CALN1: variants seen among roughly 807,000 people sequenced by gnomAD.
The protein encoded by CALN1 is calneuron 1.
CALN1 carries 17 observed loss-of-function variants against 30.6 expected under a neutral mutation model. That is an observed-to-expected ratio of 0.56 (90% CI 0.38 to 0.83). The LOEUF (loss-of-function observed/expected upper bound fraction) is 0.83, where lower values mean the gene tolerates loss of function less well. Ranked by LOEUF, CALN1 falls within the 40% of genes least tolerant of loss-of-function variation. The probability of loss-of-function intolerance (pLI) is 0.00; values close to 1 mark genes in which losing one functional copy is unlikely to be tolerated. For synonymous variants in CALN1, 156 were observed against 131.4 expected (o/e 1.19, Z -1.28); for missense variants, 291 against 354.9 (o/e 0.82, Z 1.45).
rs1041235266 is a variant in CALN1, at chr7:71,787,191, G to C, written c.*584C>G. 3.6e-5 allele frequency: 1 copy of C among 27,832 alleles called. No homozygotes were observed. The highest frequency in any genetic ancestry group is 1.7e-4 in the African/African-American group (1 of 5,906). The allele number at this position is 27,832 out of a possible 1,614,324, so 1.7% of individuals were successfully genotyped here. A position where few individuals can be genotyped will look rare whatever the true frequency, so the allele number is the denominator to read the frequency against. On this transcript the variant is annotated 3_prime_UTR_variant, in exon 7 of 7. Transcript: ENST00000395275. ...AAGAACGGAAGCGGTGAGGGGTGCA[G>C]CTGAAGACCGCCAGGGCTGCACCCC...
At chr7:72,288,706 T>C (rs998485633) in intron 2 of CALN1, among the ~76,000 whole-genome samples, 6 of 152,248 alleles carry the variant, frequency 3.9e-5, no homozygotes, top group African/African-American at 4.8e-5. Context: ...ATATGGCTTT[T>C]ACTCATTCAA....
At chr7:72,425,800 C>T (rs944789074) in intron 1 of CALN1, among the ~76,000 whole-genome samples, 1 of 152,198 alleles carries the variant, frequency 6.6e-6, no homozygotes, top group Admixed American at 6.5e-5. Context: ...CTTAAGATTG[C>T]AGATTTGAAT....
chr7:72,110,129 T>G (rs996675462), intron 3 of CALN1, among the ~76,000 whole-genome samples: 1 of 152,148 alleles, frequency 6.6e-6, no homozygotes, highest in Non-Finnish European at 1.5e-5. Flanking sequence ...CTGGACAGGG[T>G]GGGTCCCTTC....
intron 5 of CALN1, among the ~76,000 whole-genome samples, chr7:71,991,050 G>C (rs565630121): frequency 1.0e-4 from 13 of 128,260 alleles, no homozygotes; most frequent in Non-Finnish European, 2.1e-4. Flanking sequence ...AAACAGTGAG[G>C]GGGGGGGTCG....
intron 2 of CALN1, among the ~76,000 whole-genome samples, chr7:72,358,984 T>C (rs1384639247): frequency 6.6e-6 from 1 of 151,360 alleles, no homozygotes; most frequent in Non-Finnish European, 1.5e-5. Context: ...AAAAATTACA[T>C]TGGGTGCTAC....
intron 5 of CALN1, among the ~76,000 whole-genome samples, chr7:71,972,366 T>C (rs1797891235): frequency 6.6e-6 from 1 of 152,216 alleles, no homozygotes; most frequent in African/African-American, 2.4e-5. Context: ...CTTCTGGTTA[T>C]AGAATGGCGG....
intron 4 of CALN1, among the ~76,000 whole-genome samples, chr7:72,070,997 A>C (rs1804353948): frequency 6.6e-6 from 1 of 152,180 alleles, no homozygotes. Context: ...CTGTTTCCCC[A>C]CCTGGACAAC....
At chr7:71,815,321 C>T in intron 5 of CALN1, among the ~76,000 whole-genome samples, 1 of 152,130 alleles carries the variant, frequency 6.6e-6, no homozygotes, top group East Asian at 1.9e-4. Context: ...ATGATATCTC[C>T]TTGCCTGTTG....
At chr7:72,235,550 T>A (rs554488427) in intron 3 of CALN1, among the ~76,000 whole-genome samples, 3 of 152,108 alleles carry the variant, frequency 2.0e-5, no homozygotes, top group South Asian at 4.1e-4. Context: ...TCCCACACAC[T>A]CTGCTGTGCA....
chr7:71,979,866 A>ATT (rs1798299045), intron 5 of CALN1, among the ~76,000 whole-genome samples: 1 of 118,788 alleles, frequency 8.4e-6, no homozygotes, highest in Non-Finnish European at 1.7e-5. Context: ...ACACATCAGG[A>ATT]TTCTTTTTTT....
intron 3 of CALN1, among the ~76,000 whole-genome samples, chr7:72,161,287 C>T (rs2129544840): frequency 6.6e-6 from 1 of 152,286 alleles, no homozygotes; most frequent in East Asian, 1.9e-4. Context: ...TAATCATCTA[C>T]CTGTTGAGCT....
chr7:71,930,659 T>C (rs1445966017), intron 5 of CALN1, among the ~76,000 whole-genome samples: 1 of 152,220 alleles, frequency 6.6e-6, no homozygotes, highest in Non-Finnish European at 1.5e-5. Context: ...AGTTTTATCG[T>C]TTCAGATCTG....
intron 3 of CALN1, among the ~76,000 whole-genome samples, chr7:72,109,617 C>T (rs1807417851): frequency 6.6e-6 from 1 of 152,192 alleles, no homozygotes; most frequent in Admixed American, 6.5e-5. Context: ...ATATGTTTTC[C>T]TACCAAGTCC....
chr7:72,488,947 C>T, the CALN1 span, among the ~76,000 whole-genome samples: 721 of 152,278 alleles, frequency 4.7e-3, 3 homozygotes, highest in Non-Finnish European at 8.2e-3. Flanking sequence ...GGTGAGCTTA[C>T]TCATGGAAGC....
At chr7:72,005,523 G>T (rs900247470) in intron 5 of CALN1, among the ~76,000 whole-genome samples, 1 of 151,870 alleles carries the variant, frequency 6.6e-6, no homozygotes, top group Non-Finnish European at 1.5e-5. Flanking sequence ...TAGAGATGGG[G>T]TTTCTGCCAT....
the CALN1 span, among the ~76,000 whole-genome samples, chr7:72,463,246 C>T: frequency 6.6e-6 from 1 of 152,156 alleles, no homozygotes; most frequent in Non-Finnish European, 1.5e-5. Flanking sequence ...CTCATCCTCC[C>T]CAGTAGCTGG....
At chr7:72,303,412 C>T (rs1315019383) in intron 2 of CALN1, among the ~76,000 whole-genome samples, 3 of 151,908 alleles carry the variant, frequency 2.0e-5, no homozygotes, top group Admixed American at 6.6e-5. Context: ...AAAATACAAG[C>T]CAGGCGTGGT....
intron 3 of CALN1, among the ~76,000 whole-genome samples, chr7:72,114,274 GAA>G (rs1807798112): frequency 1.2e-5 from 1 of 83,404 alleles, no homozygotes; most frequent in Non-Finnish European, 2.3e-5. Flanking sequence ...GAAGGGAAGG[GAA>G]GGGAAGGGAA....
At chr7:72,084,011 C>A (rs1281374602) in intron 4 of CALN1, among the ~76,000 whole-genome samples, 2 of 151,866 alleles carry the variant, frequency 1.3e-5, no homozygotes, top group African/African-American at 4.8e-5. Flanking sequence ...GAGCTCAAGA[C>A]CAGCCTGGCT....
Sources: gnomAD v4.1 joint callset for allele counts (sites outside exome capture counted in the v4.1 genomes callset) on GRCh38, gnomAD v4.1.1 for gene constraint, MANE v1.5 for transcripts, NCBI Gene and HGNC (gene_info 2026-07-23, HGNC 2026-07-21) for gene names.